Variants in NCAM2 observed in about 807,000 individuals in gnomAD.
NCAM2 encodes N-CAM-2.
In NCAM2, 30 loss-of-function variants were observed where a neutral mutation model predicts 98.1. The ratio of observed to expected loss-of-function variants is 0.31; its 90% CI spans 0.23 to 0.41. The LOEUF (loss-of-function observed/expected upper bound fraction) is 0.41, where lower values mean the gene tolerates loss of function less well. Ranked by LOEUF, NCAM2 falls within the 10% of genes least tolerant of loss-of-function variation. The pLI, the probability that NCAM2 is intolerant of heterozygous loss-of-function variation, is 1.00. For missense variants in NCAM2, 867 were observed against 1,005.8 expected, an observed-to-expected ratio of 0.86 and a Z score of 1.87; for synonymous variants, 368 against 342.4, an observed-to-expected ratio of 1.07 and a Z score of -0.83.
In NCAM2 at chr21:21,517,475, T is replaced by C. The variant is rs1292427613; in HGVS notation, c.2282+8420T>C. ...GATAGTATGCAAGGAACTAGAGGGA[T>C]AGAAAGCTATGTGTTCTTCTTGTGA... On this transcript the variant is annotated intron_variant, in intron 16 of 17. Transcript: ENST00000400546. Among the ~76,000 whole-genome samples, 4 of 152,178 alleles carry C rather than the reference T, an allele frequency of 2.6e-5. 1 individual carries two copies. Among genetic ancestry groups the C allele is most frequent in the Non-Finnish European group, 5.9e-5 (4 of 68,034 alleles).
At chr21:21,043,960 A>G (rs2146270210) in intron 1 of NCAM2, among the ~76,000 whole-genome samples, 1 of 152,274 alleles carries the variant, frequency 6.6e-6, no homozygotes, top group Middle Eastern at 3.4e-3. Flanking sequence ...CTTTACTGGA[A>G]TACTCCAAAT....
chr21:21,060,671 T>C (rs1301084492), intron 1 of NCAM2, among the ~76,000 whole-genome samples: 1 of 152,146 alleles, frequency 6.6e-6, no homozygotes, highest in Admixed American at 6.6e-5. Context: ...TGTTTCCTTT[T>C]AATATGGTGT....
chr21:21,305,093 G>A (rs2073838373), intron 5 of NCAM2, among the ~76,000 whole-genome samples: 1 of 152,058 alleles, frequency 6.6e-6, no homozygotes, highest in South Asian at 2.1e-4. Context: ...CAAGGCAGGT[G>A]GATCACCTGA....
intron 1 of NCAM2, among the ~76,000 whole-genome samples, chr21:21,117,424 T>G (rs1290653559): frequency 2.0e-5 from 3 of 152,222 alleles, no homozygotes; most frequent in Admixed American, 1.3e-4. Context: ...TAGAGGTTTC[T>G]GCACCTCCTT....
intron 1 of NCAM2, among the ~76,000 whole-genome samples, chr21:21,178,425 A>G (rs1033222297): frequency 6.6e-6 from 1 of 152,046 alleles, no homozygotes; most frequent in African/African-American, 2.4e-5. Flanking sequence ...ATTGCTTCAT[A>G]TTTTCCTCTA....
At chr21:21,101,206 T>C (rs2066233924) in intron 1 of NCAM2, among the ~76,000 whole-genome samples, 1 of 152,022 alleles carries the variant, frequency 6.6e-6, no homozygotes, top group African/African-American at 2.4e-5. Flanking sequence ...ATCTCTGTTT[T>C]CCTTAAGATA....
chr21:21,046,113 T>C, intron 1 of NCAM2, among the ~76,000 whole-genome samples: 1 of 152,196 alleles, frequency 6.6e-6, no homozygotes, highest in East Asian at 1.9e-4. Flanking sequence ...AAGTGATATA[T>C]GTAAAGCACT....
chr21:21,074,612 T>G (rs2146378439), intron 1 of NCAM2, among the ~76,000 whole-genome samples: 1 of 152,268 alleles, frequency 6.6e-6, no homozygotes, highest in South Asian at 2.1e-4. Flanking sequence ...CTGGATTTCA[T>G]TATGGGAGTC....
chr21:21,405,150 G>A (rs2076714623), intron 9 of NCAM2, among the ~76,000 whole-genome samples: 1 of 151,766 alleles, frequency 6.6e-6, no homozygotes, highest in Non-Finnish European at 1.5e-5. Flanking sequence ...TTGCAGTCAT[G>A]TTTAGTATTT....
At chr21:21,278,218 A>G (rs1282126581) in intron 1 of NCAM2, among the ~76,000 whole-genome samples, 1 of 152,030 alleles carries the variant, frequency 6.6e-6, no homozygotes, top group Non-Finnish European at 1.5e-5. Flanking sequence ...TCTATCCATA[A>G]ACATTCTCAA....
intron 8 of NCAM2, among the ~76,000 whole-genome samples, chr21:21,369,519 A>T (rs143247674): frequency 6.6e-6 from 1 of 151,930 alleles, no homozygotes; most frequent in East Asian, 1.9e-4. Flanking sequence ...ATTTGGAGGA[A>T]CTGTCAAACA....
chr21:21,144,480 A>G (rs1471632507), intron 1 of NCAM2, among the ~76,000 whole-genome samples: 1 of 152,204 alleles, frequency 6.6e-6, no homozygotes, highest in Admixed American at 6.5e-5. Flanking sequence ...CATTGCTGAG[A>G]GAAAGCCAAT....
intron 11 of NCAM2, among the ~76,000 whole-genome samples, chr21:21,421,185 T>C (rs913516246): frequency 9.2e-5 from 14 of 151,980 alleles, no homozygotes; most frequent in African/African-American, 3.4e-4. Context: ...TGATTAGGTT[T>C]AAATAATTCC....
At chr21:21,043,417 C>T (rs535792792) in intron 1 of NCAM2, among the ~76,000 whole-genome samples, 15 of 151,896 alleles carry the variant, frequency 9.9e-5, no homozygotes, top group Non-Finnish European at 2.2e-4. Context: ...ATTGGATAGC[C>T]GCACATATGG....
intron 1 of NCAM2, among the ~76,000 whole-genome samples, chr21:21,242,368 C>G (rs761354420): frequency 6.6e-6 from 1 of 152,116 alleles, no homozygotes; most frequent in Non-Finnish European, 1.5e-5. Flanking sequence ...CTTTTTAAAA[C>G]AATTTTGAAA....
chr21:21,310,966 A>G (rs1601938951), intron 5 of NCAM2, among the ~76,000 whole-genome samples: 1 of 152,330 alleles, frequency 6.6e-6, no homozygotes, highest in East Asian at 1.9e-4. Context: ...ACTTCTCAGG[A>G]AATATTTCTT....
At chr21:21,371,860 C>T (rs907260216) in intron 8 of NCAM2, among the ~76,000 whole-genome samples, 73 of 137,084 alleles carry the variant, frequency 5.3e-4, no homozygotes, top group Non-Finnish European at 9.8e-4. Flanking sequence ...AAAATAAATG[C>T]GCGTGCACAC....
intron 1 of NCAM2, among the ~76,000 whole-genome samples, chr21:21,272,118 TGAA>T (rs937304395): frequency 5.9e-5 from 9 of 152,284 alleles, no homozygotes; most frequent in Non-Finnish European, 1.3e-4. Context: ...TGATAAAGTG[TGAA>T]GGAGTTTGGA....
chr21:21,017,446 A>AAAG (rs2064335120), intron 1 of NCAM2, among the ~76,000 whole-genome samples: 1 of 150,410 alleles, frequency 6.6e-6, no homozygotes, highest in South Asian at 2.1e-4. Flanking sequence ...AAAAAAAAAA[A>AAAG]AAGAAATAGA....
Sources: gnomAD v4.1 joint callset for allele counts (sites outside exome capture counted in the v4.1 genomes callset) on GRCh38, gnomAD v4.1.1 for gene constraint, MANE v1.5 for transcripts, NCBI Gene and HGNC (gene_info 2026-07-23, HGNC 2026-07-21) for gene names.